AMOTL2: variants seen among roughly 807,000 people sequenced by gnomAD.
AMOTL2 encodes angiomotin-like protein 2.
In AMOTL2, 33 loss-of-function variants were observed where a neutral mutation model predicts 78.4. That is an observed-to-expected ratio of 0.42 (90% CI 0.32 to 0.56). The LOEUF (loss-of-function observed/expected upper bound fraction) is 0.56. Among genes scored for constraint, AMOTL2 ranks in the 20% least tolerant of loss-of-function variants. The pLI is 0.12. For missense variants in AMOTL2, 983 were observed against 1,030.1 expected, an observed-to-expected ratio of 0.95 and a Z score of 0.63; for synonymous variants, 422 against 428.8, an observed-to-expected ratio of 0.98 and a Z score of 0.20.
At chr3:134,365,761 G>A in intron 5 of AMOTL2, 56 bp downstream of exon 5, 1 of 1,492,222 alleles carries the variant, frequency 6.7e-7, no homozygotes, top group South Asian at 1.1e-5. Flanking sequence ...CAGAGGGTGT[G>A]CAGCAGTCCC....
Position 134,360,374 on chromosome 3 carries a change from C to T in AMOTL2, c.1615G>A (p.Gly539Arg), listed in dbSNP as rs1380244603. The change falls in exon 7 of 10, where the codon GGG (glycine) becomes AGG (arginine). Residue 539 changes from glycine to arginine, a missense_variant. Physicochemically the swap from Gly to Arg is moderately radical, Grantham distance 125. Transcript: ENST00000249883. ...CGCAGGGCGCTGAGCTCTGGAGACCCACCACTGCCACTGCTACCACCTGGG... is the reference window on the plus strand; with the variant it reads ...CGCAGGGCGCTGAGCTCTGGAGACCTACCACTGCCACTGCTACCACCTGGG... The part of the protein sequence containing the change: ...GAPGGSSGSG[G>R]SPELSALRLS... 6.2e-7 allele frequency: 1 copy of T among 1,613,434 alleles called. No homozygotes were observed. Among genetic ancestry groups the T allele is most frequent in the Admixed American group, 1.7e-5 (1 of 60,022 alleles).
At position 134,356,937 on chromosome 3, in the gene AMOTL2, G is replaced by A. The variant is rs1244121581; in HGVS notation, c.*768C>T. On this transcript the variant is annotated 3_prime_UTR_variant, in exon 10 of 10. Transcript: ENST00000249883. ...ATCCACGGGCCAGGAACTTGAGGAG[G>A]AGGCATAACTGGGAGGCCAGTCAGA... 2 of 152,752 alleles carry A rather than the reference G, an allele frequency of 1.3e-5. No homozygotes were observed. The highest frequency in any genetic ancestry group is 4.8e-5 in the African/African-American group (2 of 41,446). The allele number at this position is 152,752 out of a possible 1,614,324, so 9.5% of individuals were successfully genotyped here.
intron 2 of AMOTL2, among the ~76,000 whole-genome samples, chr3:134,369,347 A>G (rs1025871191): frequency 6.6e-6 from 1 of 152,112 alleles, no homozygotes. Context: ...AGCTCTGAGA[A>G]AGAATAGCAA....
chr3:134,359,351 G>A lies in AMOTL2; in HGVS notation c.2036C>T (p.Thr679Ile). 1 of 1,614,210 alleles carries A rather than the reference G, an allele frequency of 6.2e-7. No homozygotes were observed. Among genetic ancestry groups the A allele is most frequent in the Non-Finnish European group, 8.5e-7 (1 of 1,180,034 alleles). ...AGAAGAGAGCCCTTGCCAGCCCTGG[G>A]TTCCTGCTGCCGCAGCCGCGAAAAC... ...PSVFAAAAAG[T>I]QGWQGLSSSE... Residue 679 changes from threonine (T) to isoleucine (I), a missense_variant, in exon 8 of 10, where the codon ACC becomes ATC. Physicochemically the swap from Thr to Ile is moderately conservative, Grantham distance 89 (BLOSUM62 -1). Coordinates refer to ENST00000249883, the MANE Select transcript of AMOTL2 (RefSeq NM_016201.4).
chr3:134,369,924 C>T (rs995600027), intron 2 of AMOTL2, among the ~76,000 whole-genome samples: 5 of 152,318 alleles, frequency 3.3e-5, no homozygotes, highest in South Asian at 2.1e-4. Context: ...CTTGCCTCCC[C>T]GGGTCTTCCT....
intron 9 of AMOTL2, among the ~76,000 whole-genome samples, chr3:134,358,106 A>G (rs1019980964): frequency 1.3e-5 from 2 of 152,240 alleles, no homozygotes; most frequent in Non-Finnish European, 2.9e-5. Context: ...GCAAAGGCCA[A>G]TGTGAAAGGG....
At chr3:134,358,859 G>T in intron 8 of AMOTL2, 140 bp from the exon 9 acceptor site, 2 of 993,932 alleles carry the variant, frequency 2.0e-6, no homozygotes, top group Non-Finnish European at 3.0e-6. Flanking sequence ...GACTAAAAAT[G>T]CTCCTATTTT....
chr3:134,361,089 G>C (rs900451042), intron 6 of AMOTL2, among the ~76,000 whole-genome samples: 11 of 152,106 alleles, frequency 7.2e-5, no homozygotes, highest in Non-Finnish European at 1.2e-4. Context: ...CAAGAGAATG[G>C]CTTGAACCTG....
At position 134,357,647 on chromosome 3, in the gene AMOTL2, A is replaced by T; in HGVS notation, c.*58T>A. 1.3e-6 allele frequency: 2 copies of T among 1,556,830 alleles called. No individual in the cohort carries two copies. Among genetic ancestry groups the T allele is most frequent in the South Asian group, 2.2e-5 (2 of 89,872 alleles). The stretch of plus-strand genomic sequence containing the variant: ...TGACGGGGCTGCTGAAATGGCTGAG[A>T]GTGGCACAGGGCAGAGGAGGGGAGA... On this transcript the variant is annotated 3_prime_UTR_variant, in exon 10 of 10. Transcript: ENST00000249883.
intron 4 of AMOTL2, 120 bp from the exon 5 acceptor site, chr3:134,366,029 A>C: frequency 8.6e-7 from 1 of 1,167,586 alleles, no homozygotes; most frequent in Non-Finnish European, 1.2e-6. Context: ...TCATAAGGAA[A>C]CCCCAGCTCA....
Position 134,355,637 on chromosome 3 carries a change from C to T in AMOTL2, c.*2068G>A, listed in dbSNP as rs186133841. On this transcript the variant is annotated 3_prime_UTR_variant, in exon 10 of 10. Transcript: ENST00000249883. ...AGCTGATTAGAACACAGCCCTACCT[C>T]GGGAGGCTGCCATCTGCCAGGCCCT... Among the ~76,000 whole-genome samples the T allele has an allele frequency of 4.0e-4, 61 of 152,342 alleles. No individual in the cohort carries two copies. Among genetic ancestry groups the T allele is most frequent in the African/African-American group, 1.5e-3 (61 of 41,578 alleles).
upstream of AMOTL2, chr3:134,374,556 C>A (rs1380174533): frequency 1.0e-6 from 1 of 985,620 alleles, no homozygotes. Flanking sequence ...AAGCGAACCA[C>A]AAATAACCTC....
chr3:134,365,727 G>T, intron 5 of AMOTL2, 90 bp downstream of exon 5: 1 of 1,213,160 alleles, frequency 8.2e-7, no homozygotes, highest in Non-Finnish European at 1.2e-6. Flanking sequence ...TACTTTGCAA[G>T]GGGGAAGGCC....
At position 134,367,931 on chromosome 3, in the gene AMOTL2, T is replaced by A. The variant is rs915404944; in HGVS notation, c.735-128A>T. 4 of 716,684 alleles carry A rather than the reference T, an allele frequency of 5.6e-6. No homozygotes were observed. In the African/African-American group the frequency reaches 7.4e-5, roughly 13 times the overall value. 44.4% of individuals were successfully genotyped at this position (716,684 alleles called of 1,614,324 possible). A position where few individuals can be genotyped will look rare whatever the true frequency, so the allele number is the denominator to read the frequency against. ...TTAATTATTATCAATAATTAATATA[T>A]TATTAAAATTACTGCAGATAATTAT... On this transcript the variant is annotated intron_variant, in intron 2 of 9. Transcript: ENST00000249883.
chr3:134,372,530 AACACAC>A (rs58443336), intron 1 of AMOTL2, among the ~76,000 whole-genome samples: 6 of 144,444 alleles, frequency 4.2e-5, no homozygotes, highest in South Asian at 2.3e-4. Context: ...TATCCTCCCC[AACACAC>A]ACACACACAC....
intron 2 of AMOTL2, among the ~76,000 whole-genome samples, chr3:134,369,838 G>A (rs1341629524): frequency 2.6e-5 from 4 of 152,218 alleles, no homozygotes; most frequent in African/African-American, 9.7e-5. Flanking sequence ...CTCTGGAAAA[G>A]ATGCTGGGCA....
intron 7 of AMOTL2, 60 bp downstream of exon 7, chr3:134,360,046 A>T: frequency 6.6e-7 from 1 of 1,519,748 alleles, no homozygotes; most frequent in Non-Finnish European, 8.9e-7. Flanking sequence ...AGGGCAGGGC[A>T]GTGACTGGAC....
chr3:134,358,454 T>C, intron 9 of AMOTL2, 86 bp downstream of exon 9: 1 of 1,479,880 alleles, frequency 6.8e-7, no homozygotes, highest in South Asian at 1.3e-5. Flanking sequence ...GGAGGGGGTC[T>C]GGGAAGAAAA....
At position 134,357,631 on chromosome 3, in the gene AMOTL2, T is replaced by C. The variant is rs1004982873; in HGVS notation, c.*74A>G. 3 of 1,464,348 alleles carry C rather than the reference T, an allele frequency of 2.0e-6. No individual in the cohort carries two copies. Among genetic ancestry groups the C allele is most frequent in the Non-Finnish European group, 2.9e-6 (3 of 1,043,970 alleles). 90.7% of individuals were successfully genotyped at this position (1,464,348 alleles called of 1,614,324 possible). ...GGGACGGAGCAGCGGTTGACGGGGCTGCTGAAATGGCTGAGAGTGGCACAG... is the reference window on the plus strand; with the variant it reads ...GGGACGGAGCAGCGGTTGACGGGGCCGCTGAAATGGCTGAGAGTGGCACAG... On this transcript the variant is annotated 3_prime_UTR_variant, in exon 10 of 10. Coordinates refer to ENST00000249883, the MANE Select transcript of AMOTL2 (RefSeq NM_016201.4).
Sources: allele counts gnomAD v4.1 joint callset (sites outside exome capture counted in the v4.1 genomes callset), GRCh38; gene constraint gnomAD v4.1.1; transcripts MANE v1.5; gene names NCBI Gene and HGNC (gene_info 2026-07-23, HGNC 2026-07-21).